CDH13: variants seen among roughly 807,000 people sequenced by gnomAD.
CDH13 encodes the protein cadherin 13.
CDH13 carries 24 observed loss-of-function variants against 63.8 expected under a neutral mutation model. The ratio of observed to expected loss-of-function variants is 0.38; its 90% CI spans 0.27 to 0.53. CDH13 has a LOEUF of 0.53. Among genes scored for constraint, CDH13 ranks in the 20% least tolerant of loss-of-function variants. CDH13 has a pLI of 0.85. For missense variants in CDH13, 1,049 were observed against 903.1 expected, an observed-to-expected ratio of 1.16 and a Z score of -2.07; for synonymous variants, 503 against 355.3, an observed-to-expected ratio of 1.42 and a Z score of -4.67.
Position 82,711,168 on chromosome 16 carries a change from C to T in CDH13, c.45+84031C>T, listed in dbSNP as rs888385889. Reference sequence around the variant, plus strand: ...TGAAAGGGCCGCGTGGCAGTGACCGCAGTGTGGAGGTTCTAATAATGACTA... The same window carrying T: ...TGAAAGGGCCGCGTGGCAGTGACCGTAGTGTGGAGGTTCTAATAATGACTA... On this transcript the variant is annotated intron_variant, in intron 1 of 13. Transcript: ENST00000567109. Among the ~76,000 whole-genome samples, 8 of 152,066 alleles carry T rather than the reference C, an allele frequency of 5.3e-5. No individual in the cohort carries two copies. In the East Asian group the frequency reaches 1.4e-3, roughly 26 times the overall value.
At chr16:82,978,861 C>T (rs1909879333) in intron 2 of CDH13, among the ~76,000 whole-genome samples, 1 of 140,698 alleles carries the variant, frequency 7.1e-6, no homozygotes. Flanking sequence ...CTCCATACCC[C>T]AAAATGGTAG....
intron 5 of CDH13, among the ~76,000 whole-genome samples, chr16:83,244,144 G>A (rs538056562): frequency 7.2e-5 from 11 of 151,950 alleles, no homozygotes; most frequent in South Asian, 2.1e-4. Flanking sequence ...ATTTCTGCTC[G>A]CTGAGCTTTC....
Position 82,665,956 on chromosome 16 carries a change from C to A in CDH13, c.45+38819C>A, listed in dbSNP as rs4783253. 2.6e-5 allele frequency among the ~76,000 whole-genome samples: 4 copies of A among 151,976 alleles called. No individual in the cohort carries two copies. The East Asian group carries it at 7.8e-4, about 30-fold the overall frequency. On this transcript the variant is annotated intron_variant, in intron 1 of 13. Coordinates refer to ENST00000567109, the MANE Select transcript of CDH13 (RefSeq NM_001257.5). ...AAATTCAAAATCTGAAAAATGGTTT[C>A]AATGGAGTAAGTATTTCTTTTGTAC...
Position 83,142,150 on chromosome 16 carries a change from G to GTTTGTT in CDH13, c.483+16659_483+16664dup, listed in dbSNP as rs1365286506. ...CCCTGTGCCTGAACCATTTTTGTTT[G>GTTTGTT]TTTGTTTTTGTTTTTTTTTTTTTTT... On this transcript the variant is annotated intron_variant, in intron 4 of 13. Coordinates refer to ENST00000567109, the MANE Select transcript of CDH13 (RefSeq NM_001257.5). Among the ~76,000 whole-genome samples, 175 of 133,068 alleles carry GTTTGTT rather than the reference G, an allele frequency of 1.3e-3. 3 individuals carry two copies. Among genetic ancestry groups the GTTTGTT allele is most frequent in the South Asian group, 3.9e-3 (16 of 4,088 alleles). The allele number at this position is 133,068 out of a possible 152,430, so 87.3% of individuals were successfully genotyped here. A position where few individuals can be genotyped will look rare whatever the true frequency, so the allele number is the denominator to read the frequency against.
At chr16:83,531,708 C>T (rs189324010) in intron 7 of CDH13, among the ~76,000 whole-genome samples, 183 of 152,262 alleles carry the variant, frequency 1.2e-3, no homozygotes, top group African/African-American at 4.0e-3. Flanking sequence ...GAAATGAATT[C>T]AGTCTCTAGA....
chr16:83,176,322 C>A (rs141266713), intron 4 of CDH13, among the ~76,000 whole-genome samples: 3 of 151,538 alleles, frequency 2.0e-5, no homozygotes, highest in African/African-American at 2.4e-5. Context: ...CCAGCCTGGG[C>A]AACATGGTGA....
chr16:83,382,623 T>C (rs755982349), intron 6 of CDH13, among the ~76,000 whole-genome samples: 2 of 152,186 alleles, frequency 1.3e-5, no homozygotes, highest in Non-Finnish European at 2.9e-5. Flanking sequence ...AGTGCATCAA[T>C]ACATTGATGC....
rs566790877 is a variant in CDH13 at position 83,587,771 on chromosome 16, A to G, written c.961-14683A>G. Among the ~76,000 whole-genome samples the G allele has an allele frequency of 3.9e-5, 6 of 152,340 alleles. No homozygotes were observed. The South Asian group carries it at 6.2e-4, about 16-fold the overall frequency. ...ACCCATACAGAGAATGACATTTTAG[A>G]TGGTAATAAATTGAAACCCAAGGAA... On this transcript the variant is annotated intron_variant, in intron 7 of 13. Coordinates refer to ENST00000567109, the MANE Select transcript of CDH13 (RefSeq NM_001257.5).
intron 11 of CDH13, among the ~76,000 whole-genome samples, chr16:83,762,494 C>A (rs935858656): frequency 6.6e-6 from 1 of 152,184 alleles, no homozygotes; most frequent in African/African-American, 2.4e-5. Flanking sequence ...AAGGCAGTAG[C>A]AATTAGCACT....
intron 5 of CDH13, among the ~76,000 whole-genome samples, chr16:83,300,817 A>G (rs185737234): frequency 4.6e-4 from 70 of 152,256 alleles, no homozygotes; most frequent in African/African-American, 1.5e-3. Flanking sequence ...AGATTTGTAC[A>G]TTTTACTGTG....
intron 7 of CDH13, among the ~76,000 whole-genome samples, chr16:83,565,589 C>T (rs1278004407): frequency 2.6e-5 from 4 of 152,126 alleles, no homozygotes; most frequent in African/African-American, 7.2e-5. Flanking sequence ...CTGAGCAATG[C>T]GATCTTTATG....
At chr16:83,057,578 C>G (rs1264515796) in intron 3 of CDH13, among the ~76,000 whole-genome samples, 2 of 121,706 alleles carry the variant, frequency 1.6e-5, no homozygotes, top group Non-Finnish European at 3.3e-5. Context: ...TTTACTGCCA[C>G]TTTCTATTGT....
At chr16:83,617,175 C>G (rs1909354470) in intron 8 of CDH13, among the ~76,000 whole-genome samples, 1 of 152,164 alleles carries the variant, frequency 6.6e-6, no homozygotes, top group Non-Finnish European at 1.5e-5. Context: ...ATCTCCGCCT[C>G]TAGGGCCAAG....
chr16:83,663,085 A>G (rs1335940632), intron 8 of CDH13, among the ~76,000 whole-genome samples: 1 of 152,232 alleles, frequency 6.6e-6, no homozygotes, highest in African/African-American at 2.4e-5. Flanking sequence ...CCTTGCACAA[A>G]TGCTGGGAAA....
At chr16:83,081,955 C>T (rs867776795) in intron 3 of CDH13, among the ~76,000 whole-genome samples, 1 of 152,034 alleles carries the variant, frequency 6.6e-6, no homozygotes, top group Non-Finnish European at 1.5e-5. Context: ...CATGCGCCAC[C>T]ACGCCCAGCT....
chr16:83,649,799 G>A (rs1387872861), intron 8 of CDH13, among the ~76,000 whole-genome samples: 4 of 152,176 alleles, frequency 2.6e-5, no homozygotes, highest in African/African-American at 9.7e-5. Flanking sequence ...AGAGGCAGGG[G>A]TCTAGAGCCC....
intron 6 of CDH13, among the ~76,000 whole-genome samples, chr16:83,350,570 TC>T (rs1201769973): frequency 6.6e-6 from 1 of 151,908 alleles, no homozygotes; most frequent in Admixed American, 6.6e-5. Context: ...TTTTTTTCCA[TC>T]CAGTATGCTT....
chr16:83,216,866 C>A (rs2039550614), intron 4 of CDH13, among the ~76,000 whole-genome samples: 1 of 151,612 alleles, frequency 6.6e-6, no homozygotes. Context: ...CAAAGTGCTT[C>A]CTCTGCACCA....
chr16:83,186,264 G>T (rs2038521179), intron 4 of CDH13, among the ~76,000 whole-genome samples: 1 of 151,848 alleles, frequency 6.6e-6, no homozygotes, highest in South Asian at 2.1e-4. Context: ...TCAGCCTCCT[G>T]AGTAGCTGGG....
Sources: gnomAD v4.1 joint callset for allele counts (sites outside exome capture counted in the v4.1 genomes callset) on GRCh38, gnomAD v4.1.1 for gene constraint, MANE v1.5 for transcripts, NCBI Gene and HGNC (gene_info 2026-07-23, HGNC 2026-07-21) for gene names.